The following UBE3A variants were observed in gnomAD, a reference collection of about 807,000 sequenced individuals.
UBE3A encodes ubiquitin-protein ligase E3A.
In UBE3A, 6 loss-of-function variants were observed where a neutral mutation model predicts 83.4. That is an observed-to-expected ratio of 0.07 (90% CI 0.04 to 0.14). The LOEUF is 0.14. Among genes scored for constraint, UBE3A ranks in the 10% least tolerant of loss-of-function variants. The pLI is 1.00. For missense variants in UBE3A, 456 were observed against 1,036.1 expected (o/e 0.44, Z 7.69); for synonymous variants, 337 against 355.4 (o/e 0.95, Z 0.58).
intron 4 of UBE3A, among the ~76,000 whole-genome samples, chr15:25,397,674 T>C (rs1344668142): frequency 1.3e-5 from 2 of 152,188 alleles, no homozygotes; most frequent in African/African-American, 4.8e-5. Context: ...CAAAATTCCC[T>C]GTATTAAAAA....
chr15:25,413,733 CTGAAATT>C (rs1466554142), intron 1 of UBE3A, among the ~76,000 whole-genome samples: 1 of 152,172 alleles, frequency 6.6e-6, no homozygotes, highest in African/African-American at 2.4e-5. Context: ...TTTCTATCTA[CTGAAATT>C]TTTCTTGTAA....
chr15:25,346,346 G>A (rs2075687022), intron 11 of UBE3A: 1 of 152,358 alleles, frequency 6.6e-6, no homozygotes, highest in Non-Finnish European at 1.5e-5. Flanking sequence ...TAAAGCCTCT[G>A]AAAAATGGTC....
chr15:25,415,665 CATAAA>C (rs964694922), intron 1 of UBE3A: 2 of 151,772 alleles, frequency 1.3e-5, no homozygotes, highest in Non-Finnish European at 2.9e-5. Context: ...TTCTTAATAC[CATAAA>C]ATAATTTATT....
At chr15:25,408,486 T>C (rs888881037) in intron 3 of UBE3A, 37 of 1,206,266 alleles carry the variant, frequency 3.1e-5, no homozygotes, top group Admixed American at 1.3e-4. Flanking sequence ...CCAAATAACA[T>C]TGGATAATAA....
chr15:25,398,808 TATATATAA>T (rs1160873604), intron 4 of UBE3A, among the ~76,000 whole-genome samples: 1,905 of 73,152 alleles, frequency 0.026, 161 homozygotes, highest in East Asian at 0.13. Context: ...TATATATATA[TATATATAA>T]AAATACATAT....
At chr15:25,409,382 G>T (rs775153410) in intron 2 of UBE3A, 175 bp from the exon 3 acceptor site, 2 of 368,882 alleles carry the variant, frequency 5.4e-6, no homozygotes, top group Non-Finnish European at 9.9e-6. Flanking sequence ...TTTCTTAAAT[G>T]ATCTCTTCAT....
intron 4 of UBE3A, among the ~76,000 whole-genome samples, chr15:25,398,771 T>TATATATATATATA (rs2086218460): frequency 5.8e-5 from 4 of 68,960 alleles, no homozygotes; most frequent in African/African-American, 1.3e-4. Flanking sequence ...ATTCTTTTAT[T>TATATATATATATA]TATATATATA....
In UBE3A at chr15:25,339,010, T is replaced by C. The variant is rs548858630; in HGVS notation, c.*127A>G. 2.7e-6 allele frequency: 3 copies of C among 1,128,518 alleles called. No individual in the cohort carries two copies. The Admixed American group carries it at 9.4e-5, about 35-fold the overall frequency. 69.9% of individuals were successfully genotyped at this position (1,128,518 alleles called of 1,614,324 possible). ...TAGGTGACTACTGTGGTTGACTATC[T>C]TACAGCCTTTTTGTACTGGGACACT... On this transcript the variant is annotated 3_prime_UTR_variant, in exon 13 of 13. Transcript: ENST00000648336.
intron 6 of UBE3A, 133 bp from the exon 7 acceptor site, chr15:25,360,660 G>A (rs1595659162): frequency 1.0e-6 from 1 of 979,706 alleles, no homozygotes. Context: ...GAAACAGAAA[G>A]CAAACTGATA....
Position 25,375,612 on chromosome 15 carries a change from G to A in UBE3A, c.214C>T (p.Leu72Phe). 6.2e-7 allele frequency: 1 copy of A among 1,614,080 alleles called. No individual in the cohort carries two copies. Residue 72 changes from leucine (L) to phenylalanine (F), a missense_variant, in exon 5 of 13, where the codon CTT (leucine) becomes TTT (phenylalanine). Leu to Phe is a conservative substitution (Grantham distance 22, BLOSUM62 0). This residue lies in a region of UBE3A where 20 missense variants were observed against 50.4 expected (regional missense o/e 0.40). Transcript: ENST00000648336. ...CAGAGTTTTGCATTAATCTTATAAA[G>A]CTCGAGGGCTTTAATAGCTGCTGCA... ...NNAAAIKALE[L>F]YKINAKLCDP...
chr15:25,413,133 AAAT>A, intron 1 of UBE3A: 1 of 391,072 alleles, frequency 2.6e-6, no homozygotes, highest in South Asian at 1.9e-5. Context: ...TAAGCACTAC[AAAT>A]ATTAGGCACA....
At chr15:25,349,177 G>C (rs1412902317) in intron 11 of UBE3A, among the ~76,000 whole-genome samples, 1 of 152,128 alleles carries the variant, frequency 6.6e-6, no homozygotes, top group Non-Finnish European at 1.5e-5. Context: ...GGAAAGAAAA[G>C]TCTCTTTAAC....
chr15:25,434,215 C>T (rs1894327907), intron 1 of UBE3A, among the ~76,000 whole-genome samples: 1 of 152,060 alleles, frequency 6.6e-6, no homozygotes, highest in Non-Finnish European at 1.5e-5. Flanking sequence ...CACTACTAAG[C>T]AACATTTTTG....
At chr15:25,350,721 T>C (rs1446753885) in intron 11 of UBE3A, among the ~76,000 whole-genome samples, 1 of 152,114 alleles carries the variant, frequency 6.6e-6, no homozygotes. Flanking sequence ...ACACTTTGCG[T>C]ATTCATATAA....
intron 11 of UBE3A, among the ~76,000 whole-genome samples, chr15:25,343,597 A>G (rs1242284355): frequency 1.3e-5 from 2 of 152,174 alleles, no homozygotes; most frequent in Admixed American, 6.5e-5. Flanking sequence ...ACATAACTAA[A>G]GAAATGCATA....
At chr15:25,435,699 G>A (rs1894853154) in intron 1 of UBE3A, among the ~76,000 whole-genome samples, 2 of 152,148 alleles carry the variant, frequency 1.3e-5, no homozygotes, top group Non-Finnish European at 2.9e-5. Context: ...CCAGAACCGT[G>A]AGAAATAAAC....
Position 25,375,399 on chromosome 15 carries a change from T to G in UBE3A, c.361+66A>C, listed in dbSNP as rs537834370. ...CACAGAAGAAAAAACAAATAAAAAC[T>G]AATACATTTAAATCTCCCACATGGT... On this transcript the variant is annotated intron_variant, in intron 5 of 12. Transcript: ENST00000648336. 80 of 1,546,750 alleles carry G rather than the reference T, an allele frequency of 5.2e-5. 1 individual carries two copies. In the South Asian group the frequency reaches 8.1e-4, roughly 16 times the overall value.
At chr15:25,367,876 C>G (rs1273134516) in intron 6 of UBE3A, among the ~76,000 whole-genome samples, 1 of 151,994 alleles carries the variant, frequency 6.6e-6, no homozygotes, top group East Asian at 1.9e-4. Context: ...AGTTACCACT[C>G]CTCAACAGAA....
In UBE3A at chr15:25,434,838, G is replaced by A. The variant is rs115084072; in HGVS notation, c.-165+3651C>T. Among the ~76,000 whole-genome samples, 396 of 152,228 alleles carry A rather than the reference G, an allele frequency of 2.6e-3. 1 individual carries two copies. Among genetic ancestry groups the A allele is most frequent in the African/African-American group, 8.8e-3 (367 of 41,528 alleles). On this transcript the variant is annotated intron_variant, in intron 1 of 12. Transcript: ENST00000648336. ...CTTGTATAAAATGACTGGAGCAGCT[G>A]ACCTCATAGACAATCCTACTCAGGT... is the stretch of plus-strand genomic sequence containing the variant.
Sources: gnomAD v4.1 joint callset for allele counts (sites outside exome capture counted in the v4.1 genomes callset) on GRCh38, gnomAD v4.1.1 for gene constraint, gnomAD v4.1.1 regional missense constraint, MANE v1.5 for transcripts, NCBI Gene and HGNC (gene_info 2026-07-23, HGNC 2026-07-21) for gene names.